The following ANK3 variants were observed in gnomAD, a reference collection of about 807,000 sequenced individuals.
ANK3 encodes the protein ankyrin 3, also known as ankyrin-3.
In ANK3, 57 loss-of-function variants were observed where a neutral mutation model predicts 370.9. That is an observed-to-expected ratio of 0.15 (90% confidence interval 0.12 to 0.19). The LOEUF is 0.19. Ranked by LOEUF, ANK3 falls within the 10% of genes least tolerant of loss-of-function variation. The pLI is 1.00. For missense variants in ANK3, 4,439 were observed against 5,302.1 expected, an observed-to-expected ratio of 0.84 and a Z score of 5.06; for synonymous variants, 1,929 against 1,946.3, an observed-to-expected ratio of 0.99 and a Z score of 0.23.
intron 35 of ANK3, 110 bp from the exon 36 acceptor site, chr10:60,080,728 T>C (rs1487443329): frequency 2.7e-5 from 25 of 916,522 alleles, no homozygotes; most frequent in Non-Finnish European, 3.9e-5. Context: ...TTTTCCTTCT[T>C]AGGAAATGTT....
In ANK3 at chr10:60,066,089, T is replaced by C. The variant is rs997674701; in HGVS notation, c.12320-1801A>G. Among the ~76,000 whole-genome samples the C allele has an allele frequency of 4.6e-5, 7 of 152,332 alleles. No individual in the cohort carries two copies. In the East Asian group the frequency reaches 9.6e-4, roughly 21 times the overall value. On this transcript the variant is annotated intron_variant, in intron 38 of 43. Transcript: ENST00000280772. Reference sequence around the variant, plus strand: ...TGCTTAATATTCTTAATAATTATCATTGAGCATACAGTAATTCTAGTTAGA... The same window carrying C: ...TGCTTAATATTCTTAATAATTATCACTGAGCATACAGTAATTCTAGTTAGA...
chr10:60,274,824 C>T (rs2098061474), intron 4 of ANK3, among the ~76,000 whole-genome samples: 1 of 152,150 alleles, frequency 6.6e-6, no homozygotes, highest in Non-Finnish European at 1.5e-5. Flanking sequence ...CCCAAAATTA[C>T]AAATTTTATG....
chr10:60,111,797 G>A, intron 26 of ANK3: 1 of 454,880 alleles, frequency 2.2e-6, no homozygotes, highest in Non-Finnish European at 4.4e-6. Flanking sequence ...CAAATGGGAA[G>A]AATTAATGTA....
intron 7 of ANK3, 124 bp from the exon 8 acceptor site, chr10:60,234,910 T>C (rs1006943338): frequency 1.4e-5 from 9 of 630,222 alleles, no homozygotes; most frequent in Admixed American, 1.4e-4. Context: ...TTATGAACAG[T>C]GTGCTTCCTA....
In ANK3 at chr10:60,395,550, C is replaced by CTTTCTTTCTT. The variant is rs1567004087; in HGVS notation, c.97-115912_97-115911insAAGAAAGAAA. Among the ~76,000 whole-genome samples, 103 of 108,420 alleles carry CTTTCTTTCTT rather than the reference C, an allele frequency of 9.5e-4. 1 individual carries two copies. Among genetic ancestry groups the CTTTCTTTCTT allele is most frequent in the African/African-American group, 2.0e-3 (59 of 29,224 alleles). 71.1% of individuals were successfully genotyped at this position (108,420 alleles called of 152,430 possible). On this transcript the variant is annotated intron_variant, in intron 2 of 43. Coordinates refer to the ANK3 transcript ENST00000373827. ...AACACTTAGCAATCAACTACTATGC[C>CTTTCTTTCTT]TCTTTCTTTCTTTCTTTCTTTCTTT...
At chr10:60,561,801 G>T (rs571517370) in intron 2 of ANK3, among the ~76,000 whole-genome samples, 1 of 152,146 alleles carries the variant, frequency 6.6e-6, no homozygotes, top group Non-Finnish European at 1.5e-5. Flanking sequence ...CCAAGTCCCT[G>T]TGGTGACTGA....
chr10:60,468,491 C>T (rs1195791865), intron 2 of ANK3, among the ~76,000 whole-genome samples: 1 of 152,052 alleles, frequency 6.6e-6, no homozygotes, highest in Non-Finnish European at 1.5e-5. Context: ...TTCTACAAAT[C>T]TACAATTTTC....
intron 1 of ANK3, among the ~76,000 whole-genome samples, chr10:60,732,650 T>C (rs1394936352): frequency 2.6e-5 from 4 of 152,154 alleles, no homozygotes; most frequent in Admixed American, 2.6e-4. Flanking sequence ...TGTTCTATAC[T>C]TTCATGGAGT....
At chr10:60,094,181 ATTTTT>A (rs1169437967) in intron 28 of ANK3, among the ~76,000 whole-genome samples, 8 of 116,382 alleles carry the variant, frequency 6.9e-5, no homozygotes, top group African/African-American at 1.6e-4. Flanking sequence ...ACAGTATTCT[ATTTTT>A]TTTTTTTTTT....
At position 60,031,190 on chromosome 10, in the gene ANK3, A is replaced by G. The variant is rs183356901; in HGVS notation, c.*20-1364T>C. Among the ~76,000 whole-genome samples the G allele has an allele frequency of 4.6e-5, 7 of 152,340 alleles. No individual in the cohort carries two copies. In the East Asian group the frequency reaches 7.7e-4, roughly 17 times the overall value. On this transcript the variant is annotated intron_variant, in intron 43 of 43. Transcript: ENST00000280772. ...TTCATTACAATGAAATTTCTTTTCC[A>G]TAACCAAATTAAAATTAGAGACAAA...
chr10:60,161,171 T>C (rs1296202840), intron 23 of ANK3, among the ~76,000 whole-genome samples: 1 of 152,152 alleles, frequency 6.6e-6, no homozygotes, highest in Non-Finnish European at 1.5e-5. Flanking sequence ...CTATCAGAAC[T>C]GATAAACAAA....
In ANK3 at chr10:60,494,698, C is replaced by T. The variant is rs544687906; in HGVS notation, c.96+120488G>A. ...TTTTTATTAGTTACTATAACAGATC[C>T]TCTCTCAGTTACATTCAAGACGTAT... On this transcript the variant is annotated intron_variant, in intron 2 of 43. Coordinates refer to the ANK3 transcript ENST00000373827. Among the ~76,000 whole-genome samples the T allele has an allele frequency of 6.6e-5, 10 of 152,174 alleles. No homozygotes were observed. The South Asian group carries it at 2.1e-3, about 32-fold the overall frequency.
intron 2 of ANK3, among the ~76,000 whole-genome samples, chr10:60,498,743 A>C (rs780589525): frequency 1.3e-5 from 2 of 152,152 alleles, no homozygotes; most frequent in Non-Finnish European, 2.9e-5. Flanking sequence ...ATTCTATCCC[A>C]TTCCATTGTC....
intron 2 of ANK3, among the ~76,000 whole-genome samples, chr10:60,609,415 T>C (rs2078172353): frequency 6.6e-6 from 1 of 152,086 alleles, no homozygotes; most frequent in African/African-American, 2.4e-5. Flanking sequence ...ATCACAGAGA[T>C]GAATATTGTA....
chr10:60,390,946 T>C (rs762006441), upstream of ANK3, among the ~76,000 whole-genome samples: 12 of 152,288 alleles, frequency 7.9e-5, no homozygotes, highest in Middle Eastern at 3.4e-3. Flanking sequence ...CAATGCATCA[T>C]GTGAGGATTT....
chr10:60,067,497 T>A (rs1028051209), intron 38 of ANK3, among the ~76,000 whole-genome samples: 3 of 152,184 alleles, frequency 2.0e-5, no homozygotes, highest in Admixed American at 6.5e-5. Flanking sequence ...ATGACTAAAA[T>A]TTGTGCAGCC....
At position 60,084,700 on chromosome 10, in the gene ANK3, A is replaced by G; in HGVS notation, c.3976T>C (p.Ser1326Pro). 6.2e-7 allele frequency: 1 copy of G among 1,613,942 alleles called. No individual in the cohort carries two copies. Among genetic ancestry groups the G allele is most frequent in the African/African-American group, 1.3e-5 (1 of 75,052 alleles). ...VFAKMNDPVESSLRCFCMTDD... is the reference protein window; with the variant it reads ...VFAKMNDPVEPSLRCFCMTDD... ...GTCATGCAGAAACATCGCAAGGAAG[A>G]TTCTACGGGATCATTCATTTTGGCA... is the stretch of plus-strand genomic sequence containing the variant. The change falls in exon 32 of 44, where the codon TCT becomes CCT. Residue 1326 changes from serine (S) to proline (P), a missense_variant. By Grantham distance (74) the Ser-to-Pro change is moderately conservative (BLOSUM62 -1). Transcript: ENST00000280772.
intron 1 of ANK3, chr10:60,300,537 A>G (rs2043471023): frequency 4.9e-6 from 6 of 1,212,610 alleles, no homozygotes; most frequent in Non-Finnish European, 6.3e-6. Context: ...GGCAGACAAG[A>G]GTACAGAATC....
rs141867300 is a variant in ANK3 at position 60,038,775 on chromosome 10, C to T, written c.*19+3897G>A. Among the ~76,000 whole-genome samples the T allele has an allele frequency of 1.8e-3, 281 of 152,238 alleles. 2 individuals carry two copies. The highest frequency in any genetic ancestry group is 6.5e-3 in the African/African-American group (268 of 41,530). On this transcript the variant is annotated intron_variant, in intron 43 of 43. Coordinates refer to ENST00000280772, the MANE Select transcript of ANK3 (RefSeq NM_020987.5). The stretch of plus-strand genomic sequence containing the variant: ...ACATATTTGAAGAAATGAAAGATCA[C>T]ACACCAATCTTACATATTTGAAGAA...
Sources: gnomAD v4.1 joint callset for allele counts (sites outside exome capture counted in the v4.1 genomes callset) on GRCh38, gnomAD v4.1.1 for gene constraint, MANE v1.5 for transcripts, NCBI Gene and HGNC (gene_info 2026-07-23, HGNC 2026-07-21) for gene names.